The following HAVCR1 variants were observed in gnomAD, a reference collection of about 807,000 sequenced individuals.
The protein encoded by HAVCR1 is hepatitis A virus cellular receptor 1.
Under a neutral mutation model 32.0 loss-of-function variants are expected in HAVCR1, and 34 were observed. The ratio of observed to expected loss-of-function variants is 1.06; its 90% CI spans 0.81 to 1.42. The LOEUF (loss-of-function observed/expected upper bound fraction) is 1.42, where lower values mean the gene tolerates loss of function less well. HAVCR1 is among the 40% of genes most tolerant of loss of function. The probability of loss-of-function intolerance (pLI) is 0.00; values close to 1 mark genes in which losing one functional copy is unlikely to be tolerated. For missense variants in HAVCR1, 420 were observed against 442.3 expected, an observed-to-expected ratio of 0.95 and a Z score of 0.45; for synonymous variants, 178 against 170.3, an observed-to-expected ratio of 1.05 and a Z score of -0.35.
intron 5 of HAVCR1, among the ~76,000 whole-genome samples, chr5:157,046,761 T>C (rs1380218862): frequency 6.6e-6 from 1 of 152,118 alleles, no homozygotes; most frequent in African/African-American, 2.4e-5. Flanking sequence ...TCAAACAAGT[T>C]CCCTTGGGCC....
At chr5:157,048,998 T>C in intron 5 of HAVCR1, 40 bp downstream of exon 5, 1 of 1,167,686 alleles carries the variant, frequency 8.6e-7, no homozygotes, top group Non-Finnish European at 1.3e-6. Context: ...TTATCAAGGT[T>C]TGAATGATCC....
chr5:157,030,233 T>C (rs181318250), intron 8 of HAVCR1, among the ~76,000 whole-genome samples: 125 of 152,366 alleles, frequency 8.2e-4, no homozygotes, highest in African/African-American at 2.7e-3. Flanking sequence ...TTTCCAACTG[T>C]AGCTTGTGAT....
rs888481331 is a variant in HAVCR1, at chr5:157,036,148, G to A, written c.952+1099C>T. On this transcript the variant is annotated intron_variant, in intron 7 of 8. Coordinates refer to ENST00000523175, the MANE Select transcript of HAVCR1 (RefSeq NM_001173393.3). ...ACCTGAGGTTAGGAGTTTGAGACCA[G>A]CCTAGCCAACATGGCAAAACCCCGT... is the stretch of plus-strand genomic sequence containing the variant. 2.0e-5 allele frequency among the ~76,000 whole-genome samples: 3 copies of A among 152,044 alleles called. No homozygotes were observed. In the East Asian group the frequency reaches 5.8e-4, roughly 29 times the overall value.
At chr5:157,057,839 C>A in intron 2 of HAVCR1, 59 bp downstream of exon 2, 1 of 1,221,932 alleles carries the variant, frequency 8.2e-7, no homozygotes, top group Non-Finnish European at 1.2e-6. Context: ...CTACCCCATT[C>A]TCTGGCTTCT....
At position 157,044,673 on chromosome 5, in the gene HAVCR1, GAAA is replaced by G. The variant is rs1561591648; in HGVS notation, c.782-1994_782-1992del. On this transcript the variant is annotated intron_variant, in intron 5 of 8. Transcript: ENST00000523175. ...AGAAAGAAAGAAAGAAAGAAAGAAA[GAAA>G]GGAGGGAGGGAGGAAGGAAGGAAGG... Among the ~76,000 whole-genome samples, 12 of 147,056 alleles carry G rather than the reference GAAA, an allele frequency of 8.2e-5. 1 individual carries two copies. Among genetic ancestry groups the G allele is most frequent in the African/African-American group, 3.0e-4 (12 of 40,420 alleles).
chr5:157,048,657 C>T (rs537606791), intron 5 of HAVCR1, among the ~76,000 whole-genome samples: 41 of 152,170 alleles, frequency 2.7e-4, no homozygotes, highest in African/African-American at 9.4e-4. Flanking sequence ...GGTGAAACCC[C>T]GACTCTACTA....
rs144625732 is a variant in HAVCR1, at chr5:157,058,330, A to G, written c.-12-375T>C. ...TGTAATCCTAGCACTTTGGGAGGCC[A>G]AGGCGGGCAGATCACGAAGTCAGGA... On this transcript the variant is annotated intron_variant, in intron 1 of 8. Transcript: ENST00000523175. 716 of 164,208 alleles carry G rather than the reference A, an allele frequency of 4.4e-3. 6 individuals carry two copies. Among genetic ancestry groups the G allele is most frequent in the African/African-American group, 0.015 (626 of 41,942 alleles). The allele number at this position is 164,208 out of a possible 1,614,324, so 10.2% of individuals were successfully genotyped here. A position where few individuals can be genotyped will look rare whatever the true frequency, so the allele number is the denominator to read the frequency against.
At chr5:157,055,058 A>G (rs904549602) in intron 3 of HAVCR1, 143 bp downstream of exon 3, 27 of 559,340 alleles carry the variant, frequency 4.8e-5, no homozygotes, top group Non-Finnish European at 7.9e-5. Flanking sequence ...CATCTACACA[A>G]AAGTTATTCT....
chr5:157,036,137 G>C (rs1465035093), intron 7 of HAVCR1, among the ~76,000 whole-genome samples: 1 of 152,026 alleles, frequency 6.6e-6, no homozygotes, highest in East Asian at 1.9e-4. Flanking sequence ...GAGGTTAGGA[G>C]TTTGAGACCA....
intron 2 of HAVCR1, among the ~76,000 whole-genome samples, chr5:157,056,571 G>A (rs899732915): frequency 2.0e-5 from 3 of 151,042 alleles, no homozygotes; most frequent in Non-Finnish European, 4.4e-5. Context: ...TAGTAGAGAC[G>A]GGGTTTCACC....
In HAVCR1 at chr5:157,037,333, G is replaced by A. The variant is rs200398021; in HGVS notation, c.866C>T (p.Thr289Met). Reference sequence around the variant, plus strand: ...ATAGATTCCTTTAGTGGTATTGGCCGTCAGTAGACTATGTTCTAGGAACAG... The same window carrying A: ...ATAGATTCCTTTAGTGGTATTGGCCATCAGTAGACTATGTTCTAGGAACAG... ...TQLFLEHSLL[T>M]ANTTKGIYAG... The change falls in exon 7 of 9, where the codon ACG becomes ATG. Residue 289 changes from threonine (T) to methionine (M), a missense_variant. By Grantham distance (81) the Thr-to-Met change is moderately conservative (BLOSUM62 -1). Transcript: ENST00000523175. 2.5e-5 allele frequency: 39 copies of A among 1,568,392 alleles called. No individual in the cohort carries two copies. The highest frequency in any genetic ancestry group is 3.3e-4 in the Middle Eastern group (2 of 5,976).
At chr5:157,043,245 G>A (rs1403276262) in intron 5 of HAVCR1, among the ~76,000 whole-genome samples, 1 of 152,080 alleles carries the variant, frequency 6.6e-6, no homozygotes, top group Non-Finnish European at 1.5e-5. Context: ...AAATATGGCA[G>A]CCACCAGATC....
chr5:157,032,950 T>C, intron 7 of HAVCR1, 63 bp from the exon 8 acceptor site: 1 of 1,002,168 alleles, frequency 1.0e-6, no homozygotes, highest in Non-Finnish European at 1.5e-6. Context: ...GCAAGAGTTT[T>C]AATCTTTTTT....
chr5:157,053,571 C>A (rs1755906233), intron 3 of HAVCR1, among the ~76,000 whole-genome samples: 1 of 151,468 alleles, frequency 6.6e-6, no homozygotes, highest in African/African-American at 2.4e-5. Flanking sequence ...GAAGAAGATT[C>A]ATTAAGAAAC....
intron 6 of HAVCR1, among the ~76,000 whole-genome samples, chr5:157,038,006 C>CAAAAA (rs10658898): frequency 0.5 from 75,090 of 151,016 alleles, 18,908 homozygotes; most frequent in Middle Eastern, 0.67. Context: ...GACTCCATCT[C>CAAAAA]GAAAAAAAGA....
At chr5:157,037,397 T>G (rs1380839638) in intron 6 of HAVCR1, 36 bp from the exon 7 acceptor site, 2 of 943,014 alleles carry the variant, frequency 2.1e-6, no homozygotes, top group African/African-American at 3.3e-5. Flanking sequence ...AAGCATCTTG[T>G]TAGAAAGTTA....
chr5:157,054,355 C>T (rs1439523040), intron 3 of HAVCR1, among the ~76,000 whole-genome samples: 2 of 151,714 alleles, frequency 1.3e-5, no homozygotes, highest in Admixed American at 6.6e-5. Context: ...AATACAAAAA[C>T]TAGCTGGGTA....
chr5:157,050,312 C>A (rs957057856), intron 4 of HAVCR1, among the ~76,000 whole-genome samples: 2 of 152,202 alleles, frequency 1.3e-5, no homozygotes, highest in Admixed American at 1.3e-4. Context: ...TTGAGCTTAA[C>A]TTCTTTCCTA....
rs1331111296 is a variant in HAVCR1 at position 157,029,598 on chromosome 5, T to G, written c.*135A>C. On this transcript the variant is annotated 3_prime_UTR_variant, in exon 9 of 9. Transcript: ENST00000523175. ...AGTGAGAGAGTTACTCTACCCAGTA[T>G]CACTGACATGTTGGAATGCCAGATG... 1 of 1,540,298 alleles carries G rather than the reference T, an allele frequency of 6.5e-7. No individual in the cohort carries two copies. The highest frequency in any genetic ancestry group is 1.4e-5 in the African/African-American group (1 of 73,254).
Sources: gnomAD v4.1 joint callset for allele counts (sites outside exome capture counted in the v4.1 genomes callset) on GRCh38, gnomAD v4.1.1 for gene constraint, MANE v1.5 for transcripts, NCBI Gene and HGNC (gene_info 2026-07-23, HGNC 2026-07-21) for gene names.